The following WBP1L variants were observed in gnomAD, a reference collection of about 807,000 sequenced individuals.
WBP1L encodes WW domain binding protein 1 like, also known as WW domain binding protein 1-like.
In WBP1L, 17 loss-of-function variants were observed where a neutral mutation model predicts 33.7. The ratio of observed to expected loss-of-function variants is 0.50; its 90% CI spans 0.34 to 0.76. The LOEUF (loss-of-function observed/expected upper bound fraction) is 0.76, where lower values mean the gene tolerates loss of function less well. Ranked by LOEUF, WBP1L falls within the 30% of genes least tolerant of loss-of-function variation. WBP1L has a pLI of 0.01. For synonymous variants in WBP1L, 173 were observed against 190.8 expected (o/e 0.91, Z 0.77); for missense variants, 389 against 469.4 (o/e 0.83, Z 1.58).
intron 1 of WBP1L, among the ~76,000 whole-genome samples, chr10:102,793,088 G>A (rs1267109795): frequency 3.3e-5 from 5 of 152,126 alleles, no homozygotes; most frequent in African/African-American, 1.2e-4. Flanking sequence ...TAGACTGTAA[G>A]TTCCGTGAGG....
Position 102,808,512 on chromosome 10 carries a change from C to T in WBP1L, c.194-1381C>T, listed in dbSNP as rs191211066. ...CTGTGGGGCTTGGCCTCTGTTCCGC[C>T]ACCCTTCCCTGGAGCAGGGAGGAAG... On this transcript the variant is annotated intron_variant, in intron 2 of 3. Coordinates refer to ENST00000448841, the MANE Select transcript of WBP1L (RefSeq NM_001083913.2). 6.7e-5 allele frequency among the ~76,000 whole-genome samples: 10 copies of T among 148,174 alleles called. No individual in the cohort carries two copies. In the East Asian group the frequency reaches 2.0e-3, roughly 29 times the overall value.
At chr10:102,769,837 C>A in intron 1 of WBP1L, among the ~76,000 whole-genome samples, 1 of 152,104 alleles carries the variant, frequency 6.6e-6, no homozygotes. Flanking sequence ...AGTTAAGAAC[C>A]GTTTACCTAA....
chr10:102,812,791 G>A lies in WBP1L; in HGVS notation c.552G>A (p.Glu184=). Residue 184 remains glutamate (E), a synonymous_variant, in exon 4 of 4, where the codon GAG becomes GAA. Coordinates refer to ENST00000448841, the MANE Select transcript of WBP1L (RefSeq NM_001083913.2). ...SQGAQSSPLS[E]PSRSSTRPPS... is the part of the protein sequence containing the mutation. ...GGGCACAGAGCAGCCCCTTGTCTGAGCCCAGCAGAAGCAGCACAAGACCCC... is the reference window on the plus strand; with the variant it reads ...GGGCACAGAGCAGCCCCTTGTCTGAACCCAGCAGAAGCAGCACAAGACCCC... The A allele has an allele frequency of 6.2e-7, 1 of 1,606,936 alleles. No homozygotes were observed. The highest frequency in any genetic ancestry group is 2.2e-5 in the East Asian group (1 of 44,810).
At chr10:102,761,797 C>T (rs1366716700) in intron 1 of WBP1L, among the ~76,000 whole-genome samples, 2 of 152,076 alleles carry the variant, frequency 1.3e-5, no homozygotes, top group African/African-American at 2.4e-5. Context: ...GATCCACCCA[C>T]CTCGGCCTCC....
chr10:102,779,251 C>A (rs1033748454), intron 1 of WBP1L, among the ~76,000 whole-genome samples: 6 of 151,180 alleles, frequency 4.0e-5, no homozygotes, highest in African/African-American at 1.2e-4. Flanking sequence ...AGCCGAGAGG[C>A]CCCACCATTG....
chr10:102,795,930 C>T (rs187279841), intron 1 of WBP1L, among the ~76,000 whole-genome samples: 2 of 152,224 alleles, frequency 1.3e-5, no homozygotes, highest in East Asian at 1.9e-4. Flanking sequence ...ACTAGATAGC[C>T]AGTGTCTCAT....
At chr10:102,798,670 G>A (rs1009767305) in intron 2 of WBP1L, among the ~76,000 whole-genome samples, 11 of 152,146 alleles carry the variant, frequency 7.2e-5, no homozygotes, top group African/African-American at 1.7e-4. Context: ...TGATCTGCCC[G>A]CCTTGGCTTC....
rs144285302 is a variant in WBP1L at position 102,757,128 on chromosome 10, A to T, written c.90+12985A>T. 2.5e-4 allele frequency among the ~76,000 whole-genome samples: 38 copies of T among 152,190 alleles called. 2 individuals are homozygous for T. The East Asian group carries it at 7.4e-3, about 29-fold the overall frequency. ...TGGTCTCAAACTCCTGTCCTCAATG[A>T]TCCATCCATCTTAGCCTCTCAAAGT... On this transcript the variant is annotated intron_variant, in intron 1 of 3. Coordinates refer to ENST00000448841, the MANE Select transcript of WBP1L (RefSeq NM_001083913.2).
chr10:102,769,770 G>A (rs911383271), intron 1 of WBP1L, among the ~76,000 whole-genome samples: 4 of 152,130 alleles, frequency 2.6e-5, no homozygotes, highest in Admixed American at 6.6e-5. Flanking sequence ...ACCATCTGTT[G>A]GAATCTTCCC....
chr10:102,787,279 A>C (rs1435278274), intron 1 of WBP1L, among the ~76,000 whole-genome samples: 1 of 152,026 alleles, frequency 6.6e-6, no homozygotes, highest in Non-Finnish European at 1.5e-5. Flanking sequence ...GTACATGACA[A>C]CCCCACCATC....
intron 1 of WBP1L, among the ~76,000 whole-genome samples, chr10:102,771,635 C>T (rs1843187892): frequency 6.6e-6 from 1 of 151,866 alleles, no homozygotes; most frequent in Admixed American, 6.6e-5. Flanking sequence ...TGGTGAAACC[C>T]CATCTCTAAT....
At chr10:102,780,229 CT>C (rs1843318571) in intron 1 of WBP1L, among the ~76,000 whole-genome samples, 1 of 152,142 alleles carries the variant, frequency 6.6e-6, no homozygotes, top group Non-Finnish European at 1.5e-5. Context: ...AAAAAAAATG[CT>C]TTTTGTGCTT....
intron 2 of WBP1L, among the ~76,000 whole-genome samples, chr10:102,804,715 G>T (rs955140209): frequency 5.3e-5 from 8 of 152,136 alleles, no homozygotes; most frequent in Admixed American, 4.6e-4. Context: ...CACCATCTGG[G>T]ATGTTGCCAG....
chr10:102,787,865 G>A (rs1843438950), intron 1 of WBP1L, among the ~76,000 whole-genome samples: 1 of 151,990 alleles, frequency 6.6e-6, no homozygotes, highest in African/African-American at 2.4e-5. Flanking sequence ...ATCACCTGAG[G>A]TCAGGCGTGC....
At chr10:102,781,262 T>C (rs10883776) in intron 1 of WBP1L, among the ~76,000 whole-genome samples, 31,488 of 151,998 alleles carry the variant, frequency 0.21, 3,331 homozygotes, top group Middle Eastern at 0.31. Context: ...GAGCCATGAC[T>C]GTGGAGAGGG....
chr10:102,744,189 T>G lies in WBP1L; in HGVS notation c.90+46T>G, dbSNP rs374917827. 269 of 1,514,886 alleles carry G rather than the reference T, an allele frequency of 1.8e-4. 4 individuals carry two copies. In the South Asian group the frequency reaches 3.0e-3, roughly 17 times the overall value. The allele number at this position is 1,514,886 out of a possible 1,614,324, so 93.8% of individuals were successfully genotyped here. On this transcript the variant is annotated intron_variant, in intron 1 of 3. Coordinates refer to ENST00000448841, the MANE Select transcript of WBP1L (RefSeq NM_001083913.2). ...GGGCCATGTTGGGTCCTGGGGGTCG[T>G]CGAGGCCTGGCTGGAGGGGTCTGAA... is the stretch of plus-strand genomic sequence containing the variant.
chr10:102,746,171 G>A, intron 1 of WBP1L: 1 of 985,328 alleles, frequency 1.0e-6, no homozygotes, highest in Non-Finnish European at 1.2e-6. Context: ...TGGAGCCTGG[G>A]AGGTGTTGTG....
At chr10:102,758,018 T>TG (rs34072846) in intron 1 of WBP1L, among the ~76,000 whole-genome samples, 104,680 of 150,948 alleles carry the variant, frequency 0.69, 36,530 homozygotes, top group East Asian at 0.9. Context: ...CCTGAGTAGC[T>TG]GGACTACAGG....
At chr10:102,789,812 G>A (rs1417576008) in intron 1 of WBP1L, among the ~76,000 whole-genome samples, 2 of 147,674 alleles carry the variant, frequency 1.4e-5, no homozygotes, top group East Asian at 2.0e-4. Context: ...GCATGATCTC[G>A]GCTCACTGCA....
Sources: gnomAD v4.1 joint callset for allele counts (sites outside exome capture counted in the v4.1 genomes callset) on GRCh38, gnomAD v4.1.1 for gene constraint, MANE v1.5 for transcripts, NCBI Gene and HGNC (gene_info 2026-07-23, HGNC 2026-07-21) for gene names.